The following GPC6 variants were observed in gnomAD, a reference collection of about 807,000 sequenced individuals.
GPC6 encodes the protein glypican 6.
Under a neutral mutation model 55.2 loss-of-function variants are expected in GPC6, and 14 were observed. The ratio of observed to expected loss-of-function variants is 0.25; its 90% CI spans 0.17 to 0.40. The LOEUF is 0.40. GPC6 is among the 10% of genes least tolerant of loss of function. GPC6 has a pLI of 1.00. For missense variants in GPC6, 641 were observed against 708.5 expected (o/e 0.90, Z 1.08); for synonymous variants, 278 against 259.6 (o/e 1.07, Z -0.68).
intron 1 of GPC6, among the ~76,000 whole-genome samples, chr13:93,271,389 A>G (rs72635668): frequency 0.25 from 37,259 of 151,944 alleles, 4,707 homozygotes; most frequent in African/African-American, 0.3. Context: ...ACACTGAAGA[A>G]AAACTTTTCA....
chr13:93,499,853 T>G (rs1880455874), intron 1 of GPC6, among the ~76,000 whole-genome samples: 1 of 152,208 alleles, frequency 6.6e-6, no homozygotes, highest in South Asian at 2.1e-4. Context: ...CAAAGTTAGA[T>G]GTGACTTGAC....
chr13:93,250,956 C>T (rs1876766401), intron 1 of GPC6, among the ~76,000 whole-genome samples: 2 of 152,146 alleles, frequency 1.3e-5, no homozygotes, highest in African/African-American at 4.8e-5. Context: ...GTGAAAGACA[C>T]GTCTCACATG....
At chr13:94,340,844 A>C (rs1373517377) in intron 6 of GPC6, among the ~76,000 whole-genome samples, 2 of 152,228 alleles carry the variant, frequency 1.3e-5, no homozygotes, top group Admixed American at 6.5e-5. Flanking sequence ...TATTTAATAC[A>C]TTTCTGTATA....
chr13:93,959,308 A>G (rs530188115), intron 3 of GPC6, among the ~76,000 whole-genome samples: 59 of 152,088 alleles, frequency 3.9e-4, no homozygotes, highest in African/African-American at 1.3e-3. Context: ...GATTACAGGC[A>G]TGCGCCACCA....
intron 2 of GPC6, among the ~76,000 whole-genome samples, chr13:93,598,812 T>C (rs1367348078): frequency 6.6e-6 from 1 of 152,172 alleles, no homozygotes; most frequent in African/African-American, 2.4e-5. Context: ...CTAATTCAAA[T>C]AGGATGAAAT....
intron 3 of GPC6, among the ~76,000 whole-genome samples, chr13:94,023,210 G>A (rs1882767840): frequency 6.6e-6 from 1 of 151,530 alleles, no homozygotes; most frequent in Admixed American, 6.6e-5. Context: ...CTAAGCTTGA[G>A]GTGTTATTCT....
At chr13:93,326,447 C>CACGCAT (rs1398022166) in intron 1 of GPC6, among the ~76,000 whole-genome samples, 1 of 152,020 alleles carries the variant, frequency 6.6e-6, no homozygotes, top group Non-Finnish European at 1.5e-5. Context: ...TGGCTACACA[C>CACGCAT]ACGCACACGC....
intron 1 of GPC6, among the ~76,000 whole-genome samples, chr13:93,285,721 G>T: frequency 6.7e-6 from 1 of 150,104 alleles, no homozygotes; most frequent in Non-Finnish European, 1.5e-5. Context: ...TAAAACCCAG[G>T]TTAAATAGTT....
chr13:94,004,630 T>C (rs1881937406), intron 3 of GPC6, among the ~76,000 whole-genome samples: 1 of 152,222 alleles, frequency 6.6e-6, no homozygotes, highest in African/African-American at 2.4e-5. Context: ...ATGAAGAAGA[T>C]GCAATGTCAA....
intron 4 of GPC6, among the ~76,000 whole-genome samples, chr13:94,118,509 A>T (rs1350813965): frequency 3.3e-5 from 5 of 151,108 alleles, no homozygotes; most frequent in Non-Finnish European, 1.5e-5. Context: ...TTAGATATTG[A>T]CAGATCTTCA....
chr13:93,632,618 T>TGTGTGTATAA (rs113081453), intron 2 of GPC6, among the ~76,000 whole-genome samples: 1 of 71,538 alleles, frequency 1.4e-5, no homozygotes, highest in Non-Finnish European at 3.4e-5. Flanking sequence ...TATATATATG[T>TGTGTGTATAA]ATATATATAT....
chr13:94,254,010 T>C (rs1039940003), intron 4 of GPC6, among the ~76,000 whole-genome samples: 1 of 152,162 alleles, frequency 6.6e-6, no homozygotes, highest in African/African-American at 2.4e-5. Context: ...TTTAGCACCA[T>C]GAGCCATGAG....
intron 3 of GPC6, among the ~76,000 whole-genome samples, chr13:93,998,377 G>A (rs766774859): frequency 2.0e-4 from 30 of 152,130 alleles, no homozygotes; most frequent in Middle Eastern, 3.4e-3. Context: ...TTCAACATTG[G>A]TTCTTGCAAA....
At chr13:93,418,083 G>C (rs908307045) in intron 1 of GPC6, among the ~76,000 whole-genome samples, 8 of 151,842 alleles carry the variant, frequency 5.3e-5, no homozygotes, top group Admixed American at 3.9e-4. Flanking sequence ...CTCAGAGGAT[G>C]TCCAACTTCT....
intron 4 of GPC6, among the ~76,000 whole-genome samples, chr13:94,184,243 A>G (rs1889095226): frequency 6.6e-6 from 1 of 152,108 alleles, no homozygotes; most frequent in Non-Finnish European, 1.5e-5. Flanking sequence ...TAAATCTCCC[A>G]AAGCAATTGC....
At chr13:93,285,803 T>C (rs1878105067) in intron 1 of GPC6, among the ~76,000 whole-genome samples, 1 of 152,112 alleles carries the variant, frequency 6.6e-6, no homozygotes, top group Non-Finnish European at 1.5e-5. Context: ...AATTGCTGCT[T>C]TTGAAGACAT....
At position 93,362,679 on chromosome 13, in the gene GPC6, TA is replaced by T. The variant is rs200589508; in HGVS notation, c.160+135074del. Among the ~76,000 whole-genome samples, 50 of 132,506 alleles carry T rather than the reference TA, an allele frequency of 3.8e-4. 1 individual carries two copies. Among genetic ancestry groups the T allele is most frequent in the East Asian group, 8.5e-4 (2 of 2,362 alleles). The allele number at this position is 132,506 out of a possible 152,430, so 86.9% of individuals were successfully genotyped here. A position where few individuals can be genotyped will look rare whatever the true frequency, so the allele number is the denominator to read the frequency against. ...GAGTTTGGAAGTGACTTACTGATAA[TA>T]AAAAAAAAAATTTTTTTTAAAGGGT... is the stretch of plus-strand genomic sequence containing the variant. On this transcript the variant is annotated intron_variant, in intron 1 of 8. Transcript: ENST00000377047.
At chr13:93,470,405 A>C (rs1879066840) in intron 1 of GPC6, among the ~76,000 whole-genome samples, 1 of 152,110 alleles carries the variant, frequency 6.6e-6, no homozygotes, top group Non-Finnish European at 1.5e-5. Flanking sequence ...CGGACTGTTA[A>C]TATAATGGCT....
At chr13:93,523,399 C>A (rs1881517699) in intron 1 of GPC6, among the ~76,000 whole-genome samples, 1 of 149,502 alleles carries the variant, frequency 6.7e-6, no homozygotes, top group East Asian at 2.0e-4. Flanking sequence ...ATATATATAT[C>A]CTCTTTTAAA....
Sources: gnomAD v4.1 joint callset for allele counts (sites outside exome capture counted in the v4.1 genomes callset) on GRCh38, gnomAD v4.1.1 for gene constraint, MANE v1.5 for transcripts, NCBI Gene and HGNC (gene_info 2026-07-23, HGNC 2026-07-21) for gene names.